The following CADPS2 variants were observed in gnomAD, a reference collection of about 807,000 sequenced individuals.
CADPS2 encodes the protein calcium dependent secretion activator 2.
CADPS2 carries 93 observed loss-of-function variants against 172.5 expected under a neutral mutation model. The ratio of observed to expected loss-of-function variants is 0.54; its 90% CI spans 0.46 to 0.64. The LOEUF is 0.64. CADPS2 is among the 30% of genes least tolerant of loss of function. The pLI, the probability that CADPS2 is intolerant of heterozygous loss-of-function variation, is 0.00. For missense variants in CADPS2, 1,420 were observed against 1,565.9 expected, an observed-to-expected ratio of 0.91 and a Z score of 1.57; for synonymous variants, 546 against 555.2, an observed-to-expected ratio of 0.98 and a Z score of 0.23.
chr7:122,543,692 TG>T (rs2063330014), intron 8 of CADPS2, among the ~76,000 whole-genome samples: 1 of 152,080 alleles, frequency 6.6e-6, no homozygotes, highest in Non-Finnish European at 1.5e-5. Context: ...CAGTCTGTGA[TG>T]GAAAAATGAA....
At chr7:122,545,638 GT>G (rs980067091) in intron 8 of CADPS2, among the ~76,000 whole-genome samples, 93 of 152,234 alleles carry the variant, frequency 6.1e-4, no homozygotes, top group African/African-American at 1.9e-3. Context: ...AACAAGTTTT[GT>G]TTGTTAGGAT....
intron 1 of CADPS2, chr7:122,849,857 G>T: frequency 1.7e-6 from 1 of 579,064 alleles, no homozygotes; most frequent in East Asian, 4.1e-5. Flanking sequence ...GTTTCCTTCT[G>T]GGCAGATCTC....
intron 3 of CADPS2, among the ~76,000 whole-genome samples, chr7:122,662,111 G>T (rs1448446072): frequency 6.6e-6 from 1 of 152,018 alleles, no homozygotes; most frequent in Non-Finnish European, 1.5e-5. Context: ...AACCAATATG[G>T]ATATAACACA....
At chr7:122,702,336 C>G in intron 2 of CADPS2, 1 of 1,613,846 alleles carries the variant, frequency 6.2e-7, no homozygotes, top group Non-Finnish European at 8.5e-7. Context: ...ATGGGAAATA[C>G]TTTACTGCCC....
chr7:122,360,830 GA>G lies in CADPS2; in HGVS notation c.3472-11del. ...TTGCAGCTGCTTTCACCTTAAGTGT[GA>G]AAGAAAGAGATAATCATGAGAATTA... On this transcript the variant is annotated splice_polypyrimidine_tract_variant and intron_variant, in intron 26 of 29. Transcript: ENST00000449022. 1 of 1,572,418 alleles carries G rather than the reference GA, an allele frequency of 6.4e-7. No individual in the cohort carries two copies. Among genetic ancestry groups the G allele is most frequent in the Admixed American group, 1.9e-5 (1 of 53,320 alleles).
intron 1 of CADPS2, among the ~76,000 whole-genome samples, chr7:122,861,983 T>G (rs1429693970): frequency 6.6e-6 from 1 of 152,182 alleles, no homozygotes; most frequent in African/African-American, 2.4e-5. Context: ...TGAGGAAAAT[T>G]TTAGACCTCC....
chr7:122,805,797 T>G (rs748199341), intron 1 of CADPS2, among the ~76,000 whole-genome samples: 11 of 152,258 alleles, frequency 7.2e-5, no homozygotes, highest in Middle Eastern at 3.4e-3. Context: ...CAAGAGAGAC[T>G]TCTCTCCCAA....
rs535960370 is a variant in CADPS2, at chr7:122,775,575, T to A, written c.340-38507A>T. The stretch of plus-strand genomic sequence containing the variant: ...TTTGGTACCCTGGTTAGAAAACAAA[T>A]TCACCCTCTGTGCCATATTTCTTTT... On this transcript the variant is annotated intron_variant, in intron 1 of 29. Transcript: ENST00000449022. 9.2e-5 allele frequency among the ~76,000 whole-genome samples: 14 copies of A among 152,308 alleles called. No individual in the cohort carries two copies. The South Asian group carries it at 2.9e-3, about 32-fold the overall frequency.
chr7:122,449,528 C>G (rs559760323), intron 15 of CADPS2, among the ~76,000 whole-genome samples: 1 of 152,106 alleles, frequency 6.6e-6, no homozygotes, highest in South Asian at 2.1e-4. Flanking sequence ...CGCTACGTTG[C>G]CTAGGCTGGT....
chr7:122,729,687 T>C (rs1263937503), intron 2 of CADPS2, among the ~76,000 whole-genome samples: 1 of 149,556 alleles, frequency 6.7e-6, no homozygotes, highest in South Asian at 2.1e-4. Flanking sequence ...TTTTTTTTTT[T>C]TTTTTTTTTT....
intron 7 of CADPS2, among the ~76,000 whole-genome samples, chr7:122,573,829 C>A (rs2067595274): frequency 6.6e-6 from 1 of 152,002 alleles, no homozygotes; most frequent in Admixed American, 6.6e-5. Flanking sequence ...TATAAAAATA[C>A]TTTAGCTTAA....
At chr7:122,581,713 C>T (rs2068846866) in intron 6 of CADPS2, among the ~76,000 whole-genome samples, 1 of 152,066 alleles carries the variant, frequency 6.6e-6, no homozygotes, top group Admixed American at 6.6e-5. Context: ...CTTTACCCCA[C>T]CTGAGAGGTC....
chr7:122,360,173 T>A (rs2151126157), intron 27 of CADPS2, among the ~76,000 whole-genome samples: 1 of 152,286 alleles, frequency 6.6e-6, no homozygotes, highest in Admixed American at 6.5e-5. Flanking sequence ...AATCAAAAAC[T>A]AATTTGGTAT....
At chr7:122,589,606 G>A (rs2070414285) in intron 6 of CADPS2, among the ~76,000 whole-genome samples, 1 of 151,858 alleles carries the variant, frequency 6.6e-6, no homozygotes, top group Non-Finnish European at 1.5e-5. Context: ...AGTTTTCATG[G>A]GAACATGGGT....
At chr7:122,866,139 T>G (rs1818258796) in intron 1 of CADPS2, among the ~76,000 whole-genome samples, 1 of 152,228 alleles carries the variant, frequency 6.6e-6, no homozygotes, top group South Asian at 2.1e-4. Context: ...ATAAACATAT[T>G]TATTATTTTA....
At chr7:122,418,588 G>T (rs2048205244) in intron 17 of CADPS2, among the ~76,000 whole-genome samples, 1 of 152,114 alleles carries the variant, frequency 6.6e-6, no homozygotes, top group Admixed American at 6.6e-5. Flanking sequence ...GGATCCTGAG[G>T]GTCTGGTTTA....
chr7:122,659,227 A>G (rs1680169433), intron 3 of CADPS2, among the ~76,000 whole-genome samples: 1 of 151,816 alleles, frequency 6.6e-6, no homozygotes, highest in Admixed American at 6.6e-5. Context: ...GCCCTAATGT[A>G]AAAAGTTGAA....
chr7:122,800,692 G>A (rs1797422183), intron 1 of CADPS2, among the ~76,000 whole-genome samples: 1 of 152,070 alleles, frequency 6.6e-6, no homozygotes, highest in Non-Finnish European at 1.5e-5. Flanking sequence ...GAGGAAAAGA[G>A]CAAACAAAAA....
chr7:122,588,812 A>G (rs565353673), intron 6 of CADPS2, among the ~76,000 whole-genome samples: 2 of 152,064 alleles, frequency 1.3e-5, no homozygotes, highest in South Asian at 4.1e-4. Context: ...TCATTGACTC[A>G]TATTTGGTGA....
Sources: gnomAD v4.1 joint callset for allele counts (sites outside exome capture counted in the v4.1 genomes callset) on GRCh38, gnomAD v4.1.1 for gene constraint, MANE v1.5 for transcripts, NCBI Gene and HGNC (gene_info 2026-07-23, HGNC 2026-07-21) for gene names.